The following FRAS1 variants were observed in gnomAD, a reference collection of about 807,000 sequenced individuals.
The protein encoded by FRAS1 is Fraser extracellular matrix complex subunit 1, also known as extracellular matrix organizing protein FRAS1.
In FRAS1, 290 loss-of-function variants were observed where a neutral mutation model predicts 435.2. The ratio of observed to expected loss-of-function variants is 0.67; its 90% CI spans 0.61 to 0.73. The LOEUF is 0.73. Among genes scored for constraint, FRAS1 ranks in the 30% least tolerant of loss-of-function variants. The pLI, the probability that FRAS1 is intolerant of heterozygous loss-of-function variation, is 0.00. For synonymous variants in FRAS1, 1,800 were observed against 1,851.0 expected, an observed-to-expected ratio of 0.97 and a Z score of 0.71; for missense variants, 4,860 against 5,001.5, an observed-to-expected ratio of 0.97 and a Z score of 0.85.
chr4:78,058,119 T>TGTGC (rs1553914706), intron 1 of FRAS1, 34 bp downstream of exon 1: 4 of 1,481,152 alleles, frequency 2.7e-6, no homozygotes, highest in Non-Finnish European at 3.7e-6. Flanking sequence ...TGTGTGTGTG[T>TGTGC]GCGTGTGCGT....
At chr4:78,244,935 T>C (rs577382418) in intron 3 of FRAS1, among the ~76,000 whole-genome samples, 4 of 152,314 alleles carry the variant, frequency 2.6e-5, no homozygotes, top group Non-Finnish European at 5.9e-5. Context: ...ACTGCTTATC[T>C]TGTGTAAATC....
At chr4:78,251,970 T>A (rs969395434) in intron 4 of FRAS1, among the ~76,000 whole-genome samples, 2 of 151,816 alleles carry the variant, frequency 1.3e-5, no homozygotes, top group African/African-American at 4.8e-5. Flanking sequence ...TGGGAACTAA[T>A]CAGGATAAAA....
chr4:78,231,031 T>A (rs1428164116), intron 2 of FRAS1, among the ~76,000 whole-genome samples: 2 of 152,194 alleles, frequency 1.3e-5, no homozygotes, highest in Non-Finnish European at 1.5e-5. Flanking sequence ...CTCGGCTCAC[T>A]GCAACCTCCG....
Position 78,429,103 on chromosome 4 carries a change from G to T in FRAS1, c.4720G>T (p.Gly1574Ter). The change falls in exon 36 of 74, where the codon GGA becomes TGA. Residue 1574 changes from glycine (G) to a stop codon, truncating the protein, a stop_gained. Transcript: ENST00000512123. LOFTEE classifies it high-confidence loss of function. ...SVKFHFTVSD[G>*]EHTSPEMVLT... ...GCATTTATCCTTTTTAGTTTCAGAT[G>T]GAGAACACACAAGTCCGGAGATGGT... The T allele has an allele frequency of 6.4e-7, 1 of 1,554,332 alleles. No individual in the cohort carries two copies. The highest frequency in any genetic ancestry group is 1.4e-5 in the African/African-American group (1 of 73,130).
chr4:78,114,336 C>T (rs1390083197), intron 2 of FRAS1, among the ~76,000 whole-genome samples: 1 of 152,068 alleles, frequency 6.6e-6, no homozygotes, highest in Admixed American at 6.6e-5. Flanking sequence ...TCCATATGAA[C>T]TTTAAAGTAG....
At chr4:78,244,266 GCACA>G (rs150065328) in intron 3 of FRAS1, among the ~76,000 whole-genome samples, 1 of 150,364 alleles carries the variant, frequency 6.7e-6, no homozygotes, top group African/African-American at 2.4e-5. Context: ...TAACACACAC[GCACA>G]CACACACACA....
intron 2 of FRAS1, among the ~76,000 whole-genome samples, chr4:78,081,486 G>A (rs1307896373): frequency 6.6e-6 from 1 of 152,104 alleles, no homozygotes; most frequent in East Asian, 1.9e-4. Flanking sequence ...GTAGTTCTGG[G>A]CTACATGTGA....
intron 61 of FRAS1, among the ~76,000 whole-genome samples, chr4:78,501,187 G>C (rs1578360741): frequency 6.6e-6 from 1 of 152,054 alleles, no homozygotes; most frequent in African/African-American, 2.4e-5. Context: ...TCATTGTTCA[G>C]TTCCCACCTA....
chr4:78,537,408 C>T (rs1721919653), intron 72 of FRAS1, among the ~76,000 whole-genome samples: 1 of 152,204 alleles, frequency 6.6e-6, no homozygotes, highest in Non-Finnish European at 1.5e-5. Flanking sequence ...TTGATGTCCT[C>T]AGAAAAGGAA....
chr4:78,208,674 TTAAA>T lies in FRAS1; in HGVS notation c.109-28829_109-28826del, dbSNP rs561343341. Among the ~76,000 whole-genome samples, 73 of 152,294 alleles carry T rather than the reference TTAAA, an allele frequency of 4.8e-4. 1 individual carries two copies. The South Asian group carries it at 0.015, about 31-fold the overall frequency. On this transcript the variant is annotated intron_variant, in intron 2 of 73. Transcript: ENST00000512123. ...AGGAATAATAAATTTTTATTTATTA[TTAAA>T]TAAATAGAACTGGTTTTCAAAACTT...
At chr4:78,072,364 A>G (rs1740402847) in intron 2 of FRAS1, among the ~76,000 whole-genome samples, 1 of 152,186 alleles carries the variant, frequency 6.6e-6, no homozygotes, top group South Asian at 2.1e-4. Context: ...GCCCTGTAGA[A>G]ATGAAAATGT....
intron 69 of FRAS1, among the ~76,000 whole-genome samples, chr4:78,525,616 A>G (rs1721510488): frequency 6.6e-6 from 1 of 152,238 alleles, no homozygotes; most frequent in Non-Finnish European, 1.5e-5. Flanking sequence ...CAAGCACAGC[A>G]TTTATGAGAA....
intron 2 of FRAS1, chr4:78,181,006 C>T: frequency 1.9e-6 from 3 of 1,604,814 alleles, no homozygotes; most frequent in Non-Finnish European, 1.7e-6. Context: ...CCTGGGCGGC[C>T]AAGGTCTCCA....
chr4:78,160,689 A>G (rs2110023648), intron 2 of FRAS1, among the ~76,000 whole-genome samples: 1 of 152,340 alleles, frequency 6.6e-6, no homozygotes, highest in South Asian at 2.1e-4. Context: ...ACACCTGAAC[A>G]TGCTATGTAT....
chr4:78,204,250 TATTA>T (rs1723162678), intron 2 of FRAS1, among the ~76,000 whole-genome samples: 1 of 152,240 alleles, frequency 6.6e-6, no homozygotes. Flanking sequence ...GTTCAATATT[TATTA>T]ATTCAGTGTT....
At chr4:78,308,850 C>T (rs1490502522) in intron 15 of FRAS1, among the ~76,000 whole-genome samples, 2 of 152,144 alleles carry the variant, frequency 1.3e-5, no homozygotes, top group Non-Finnish European at 2.9e-5. Flanking sequence ...ACTTGTGAAA[C>T]GGGGATAATA....
chr4:78,354,209 A>G (rs1195484986), intron 20 of FRAS1, among the ~76,000 whole-genome samples: 1 of 151,998 alleles, frequency 6.6e-6, no homozygotes, highest in Non-Finnish European at 1.5e-5. Flanking sequence ...AGCCTTCCCA[A>G]CACATTGGTG....
At chr4:78,400,986 ACTGAG>A (rs1161615582) in intron 30 of FRAS1, 99 bp downstream of exon 30, 7 of 1,100,918 alleles carry the variant, frequency 6.4e-6, no homozygotes, top group Non-Finnish European at 7.8e-6. Context: ...ATTCCAATGA[ACTGAG>A]CTTTCTAATA....
chr4:78,503,334 G>A (rs10012135), intron 61 of FRAS1, among the ~76,000 whole-genome samples: 50,003 of 152,000 alleles, frequency 0.33, 8,951 homozygotes, highest in South Asian at 0.52. Context: ...CTGTGAATCC[G>A]TCTGGTCCTG....
Sources: gnomAD v4.1 joint callset for allele counts (sites outside exome capture counted in the v4.1 genomes callset) on GRCh38, gnomAD v4.1.1 for gene constraint, MANE v1.5 for transcripts, NCBI Gene and HGNC (gene_info 2026-07-23, HGNC 2026-07-21) for gene names.